The following OPCML variants were observed in gnomAD, a reference collection of about 807,000 sequenced individuals.
OPCML encodes opioid-binding protein/cell adhesion molecule.
A neutral mutation model predicts 37.8 loss-of-function variants in OPCML; 13 were observed. That is an observed-to-expected ratio of 0.34 (90% CI 0.22 to 0.55). The LOEUF is 0.55. Ranked by LOEUF, OPCML falls within the 20% of genes least tolerant of loss-of-function variation. OPCML has a pLI of 0.91. For synonymous variants in OPCML, 176 were observed against 168.8 expected, an observed-to-expected ratio of 1.04 and a Z score of -0.33; for missense variants, 341 against 435.6, an observed-to-expected ratio of 0.78 and a Z score of 1.93.
intron 2 of OPCML, among the ~76,000 whole-genome samples, chr11:132,712,078 T>C (rs1565797028): frequency 6.6e-6 from 1 of 152,168 alleles, no homozygotes; most frequent in East Asian, 1.9e-4. Flanking sequence ...AAAGCCCCTG[T>C]CCCATAGGGT....
chr11:132,699,371 G>T (rs1943721973), intron 2 of OPCML, among the ~76,000 whole-genome samples: 1 of 151,972 alleles, frequency 6.6e-6, no homozygotes, highest in Non-Finnish European at 1.5e-5. Flanking sequence ...TTCAGGCTAA[G>T]ACTTTCAACA....
intron 1 of OPCML, among the ~76,000 whole-genome samples, chr11:133,511,588 C>A (rs1948160261): frequency 6.6e-6 from 1 of 152,148 alleles, no homozygotes; most frequent in Non-Finnish European, 1.5e-5. Context: ...AACTCCTTTA[C>A]CCCTTTCACA....
chr11:132,957,029 G>A (rs1012749643), intron 1 of OPCML, among the ~76,000 whole-genome samples: 3 of 152,206 alleles, frequency 2.0e-5, no homozygotes, highest in Non-Finnish European at 2.9e-5. Flanking sequence ...TACTTAACAG[G>A]CTGAGGTGGG....
intron 1 of OPCML, chr11:133,422,641 A>G: frequency 1.0e-6 from 1 of 978,712 alleles, no homozygotes; most frequent in Non-Finnish European, 1.2e-6. Flanking sequence ...ATGGGTGTGA[A>G]CCACTGAGCC....
At chr11:133,098,013 C>A (rs1949029394) in intron 1 of OPCML, among the ~76,000 whole-genome samples, 1 of 152,136 alleles carries the variant, frequency 6.6e-6, no homozygotes. Context: ...AATACTTCAT[C>A]ATTCTATGAG....
At position 132,607,492 on chromosome 11, in the gene OPCML, G is replaced by A. The variant is rs148669272; in HGVS notation, c.379+49595C>T. 1.1e-3 allele frequency among the ~76,000 whole-genome samples: 167 copies of A among 152,272 alleles called. 3 individuals carry two copies. In the East Asian group the frequency reaches 0.027, roughly 25 times the overall value. ...TGACTGGGCCACATTGAGTTGGGTC[G>A]GGCCTGTGGTTCCTGTATCCTTGTG... On this transcript the variant is annotated intron_variant, in intron 3 of 7. Coordinates refer to ENST00000524381, the MANE Select transcript of OPCML (RefSeq NM_001012393.5).
At chr11:132,485,863 T>C (rs540986174) in intron 4 of OPCML, among the ~76,000 whole-genome samples, 1 of 152,312 alleles carries the variant, frequency 6.6e-6, no homozygotes, top group East Asian at 1.9e-4. Context: ...CTTGTACAAA[T>C]CTTTTTGTGG....
At chr11:132,778,961 C>CTTTTTT (rs10657036) in intron 2 of OPCML, among the ~76,000 whole-genome samples, 18 of 87,920 alleles carry the variant, frequency 2.0e-4, no homozygotes, top group East Asian at 3.2e-4. Context: ...TGGTATATTT[C>CTTTTTT]TTTTTTTTTT....
At chr11:132,504,603 G>A (rs769075110) in intron 4 of OPCML, among the ~76,000 whole-genome samples, 1 of 151,830 alleles carries the variant, frequency 6.6e-6, no homozygotes, top group African/African-American at 2.4e-5. Context: ...CAGGCTCCAG[G>A]CTCCAGGCTG....
intron 1 of OPCML, among the ~76,000 whole-genome samples, chr11:132,987,276 G>A (rs192370239): frequency 5.9e-5 from 9 of 152,206 alleles, no homozygotes; most frequent in South Asian, 2.1e-4. Flanking sequence ...GAGAAGCACC[G>A]GGGAAAGAAT....
chr11:133,424,343 T>C (rs1025421689), intron 1 of OPCML, among the ~76,000 whole-genome samples: 1 of 152,222 alleles, frequency 6.6e-6, no homozygotes, highest in Non-Finnish European at 1.5e-5. Flanking sequence ...ATTAAAATAG[T>C]GTTTATTTTC....
intron 1 of OPCML, chr11:133,008,408 G>A: frequency 1.0e-6 from 1 of 985,356 alleles, no homozygotes. Context: ...TTGTGCTCAG[G>A]AGGTCCTTTT....
At chr11:132,460,925 C>A (rs531712263) in intron 4 of OPCML, among the ~76,000 whole-genome samples, 2 of 152,150 alleles carry the variant, frequency 1.3e-5, no homozygotes, top group Admixed American at 6.5e-5. Flanking sequence ...TGTGGACTAG[C>A]TCATTTCATA....
chr11:132,490,456 C>G (rs2096212139), intron 4 of OPCML, among the ~76,000 whole-genome samples: 1 of 152,026 alleles, frequency 6.6e-6, no homozygotes, highest in South Asian at 2.1e-4. Context: ...TCTGGCTGCA[C>G]TCACTTCTTG....
At chr11:133,329,465 G>A in intron 1 of OPCML, among the ~76,000 whole-genome samples, 1 of 152,154 alleles carries the variant, frequency 6.6e-6, no homozygotes, top group East Asian at 1.9e-4. Context: ...AAAACAGCAT[G>A]GTACTGTTAC....
At chr11:132,577,641 C>T (rs969975887) in intron 3 of OPCML, among the ~76,000 whole-genome samples, 18 of 152,070 alleles carry the variant, frequency 1.2e-4, no homozygotes, top group African/African-American at 4.3e-4. Flanking sequence ...ATGTGATGAT[C>T]GCAAGGAGAA....
At chr11:132,445,284 C>T (rs2096051026) in intron 4 of OPCML, among the ~76,000 whole-genome samples, 1 of 152,154 alleles carries the variant, frequency 6.6e-6, no homozygotes, top group Non-Finnish European at 1.5e-5. Flanking sequence ...CTAGATCCTC[C>T]CTTCCATGCA....
rs1460558730 is a variant in OPCML at position 133,062,269 on chromosome 11, AG to A, written c.62-119260del. 1.2e-4 allele frequency among the ~76,000 whole-genome samples: 19 copies of A among 152,174 alleles called. 1 individual carries two copies. The stretch of plus-strand genomic sequence containing the variant: ...CCAGATACCTGTCCTTGCCTCTGCC[AG>A]ACTGGACAGACCCGAGTGAAAGGAA... On this transcript the variant is annotated intron_variant, in intron 1 of 7. Transcript: ENST00000524381.
rs528010875 is a variant in OPCML, at chr11:132,552,647, A to G, written c.380-23461T>C. Among the ~76,000 whole-genome samples, 7 of 151,856 alleles carry G rather than the reference A, an allele frequency of 4.6e-5. No individual in the cohort carries two copies. In the South Asian group the frequency reaches 1.2e-3, roughly 27 times the overall value. On this transcript the variant is annotated intron_variant, in intron 3 of 7. Transcript: ENST00000524381. ...TATTCCCTGCGTCTAGAACATATTT[A>G]TCTACTTTCTTTCCACTTAGGAAAC...
Sources: gnomAD v4.1 joint callset for allele counts (sites outside exome capture counted in the v4.1 genomes callset) on GRCh38, gnomAD v4.1.1 for gene constraint, MANE v1.5 for transcripts, NCBI Gene and HGNC (gene_info 2026-07-23, HGNC 2026-07-21) for gene names.